Variants in DNAJC6 observed in about 807,000 individuals in gnomAD.
The protein encoded by DNAJC6 is auxilin.
A neutral mutation model predicts 110.0 loss-of-function variants in DNAJC6; 34 were observed. The observed-to-expected ratio is 0.31, with a 90% CI of 0.24 to 0.41. DNAJC6 has a LOEUF of 0.41. Among genes scored for constraint, DNAJC6 ranks in the 10% least tolerant of loss-of-function variants. The pLI is 1.00. For missense variants in DNAJC6, 1,031 were observed against 1,207.8 expected, an observed-to-expected ratio of 0.85 and a Z score of 2.17; for synonymous variants, 406 against 437.2, an observed-to-expected ratio of 0.93 and a Z score of 0.89.
At chr1:65,277,577 C>G (rs1232204434) in intron 1 of DNAJC6, among the ~76,000 whole-genome samples, 1 of 151,472 alleles carries the variant, frequency 6.6e-6, no homozygotes, top group African/African-American at 2.4e-5. Flanking sequence ...AGGCTTCTGC[C>G]TTTAAGGGTA....
intron 4 of DNAJC6, among the ~76,000 whole-genome samples, chr1:65,375,601 T>C (rs1455688581): frequency 1.3e-5 from 2 of 152,126 alleles, no homozygotes; most frequent in African/African-American, 2.4e-5. Flanking sequence ...AATTTTTTTG[T>C]ATTTTTAGTA....
intron 1 of DNAJC6, among the ~76,000 whole-genome samples, chr1:65,266,237 GT>G (rs1653326228): frequency 1.3e-5 from 2 of 151,960 alleles, no homozygotes; most frequent in South Asian, 4.1e-4. Context: ...CCACCTCGTG[GT>G]GGGCAATGAT....
intron 1 of DNAJC6, among the ~76,000 whole-genome samples, chr1:65,346,570 G>A (rs1645438808): frequency 6.6e-6 from 1 of 152,074 alleles, no homozygotes; most frequent in South Asian, 2.1e-4. Flanking sequence ...GTTCCAGTAT[G>A]TATTATAGTT....
At chr1:65,292,016 A>G (rs1312239054) in intron 1 of DNAJC6, among the ~76,000 whole-genome samples, 2 of 149,182 alleles carry the variant, frequency 1.3e-5, no homozygotes, top group Non-Finnish European at 1.5e-5. Flanking sequence ...TTTATTTTTT[A>G]TTTACTTTTT....
intron 1 of DNAJC6, among the ~76,000 whole-genome samples, chr1:65,351,398 A>T (rs1645488583): frequency 6.6e-6 from 1 of 152,210 alleles, no homozygotes; most frequent in South Asian, 2.1e-4. Flanking sequence ...ATAATTCTGA[A>T]ACTGATGGTT....
intron 1 of DNAJC6, among the ~76,000 whole-genome samples, chr1:65,350,743 G>A (rs943554357): frequency 6.6e-6 from 1 of 152,154 alleles, no homozygotes; most frequent in African/African-American, 2.4e-5. Context: ...CTTATTCCTA[G>A]TGTGATGTGG....
At chr1:65,346,457 G>C (rs1232083653) in intron 1 of DNAJC6, among the ~76,000 whole-genome samples, 1 of 151,946 alleles carries the variant, frequency 6.6e-6, no homozygotes, top group Non-Finnish European at 1.5e-5. Context: ...TTACTTTTTA[G>C]CTTGACCTTC....
chr1:65,339,022 G>C (rs1557529574), intron 1 of DNAJC6, among the ~76,000 whole-genome samples: 2 of 152,062 alleles, frequency 1.3e-5, no homozygotes, highest in South Asian at 4.1e-4. Flanking sequence ...CTTATATACT[G>C]TTTTCATTTG....
chr1:65,331,384 T>G (rs1244591385), intron 1 of DNAJC6, among the ~76,000 whole-genome samples: 1 of 152,238 alleles, frequency 6.6e-6, no homozygotes, highest in Non-Finnish European at 1.5e-5. Context: ...TACTATTTGT[T>G]TGCTAGGCAT....
intron 1 of DNAJC6, among the ~76,000 whole-genome samples, chr1:65,294,239 A>G (rs371994367): frequency 6.6e-6 from 1 of 152,192 alleles, no homozygotes; most frequent in African/African-American, 2.4e-5. Context: ...TTTCCATTTT[A>G]TAGGTGAAGT....
upstream of DNAJC6, chr1:65,309,498 C>A: frequency 8.4e-7 from 1 of 1,184,284 alleles, no homozygotes; most frequent in Non-Finnish European, 1.0e-6. Flanking sequence ...CGCGCGCCCC[C>A]GCCCGGCCGC....
chr1:65,405,772 G>A (rs1416599528), intron 15 of DNAJC6, 98 bp from the exon 16 acceptor site: 2 of 1,374,554 alleles, frequency 1.5e-6, no homozygotes, highest in African/African-American at 1.5e-5. Flanking sequence ...GTCAGTCAAG[G>A]GAATGACTAT....
At chr1:65,310,652 C>A (rs953274362) in intron 1 of DNAJC6, among the ~76,000 whole-genome samples, 4 of 152,106 alleles carry the variant, frequency 2.6e-5, no homozygotes, top group Non-Finnish European at 4.4e-5. Context: ...AACTTTGTAT[C>A]GGGGCTTGCA....
intron 7 of DNAJC6, 149 bp downstream of exon 7, chr1:65,386,055 G>GA: frequency 1.2e-6 from 1 of 857,908 alleles, no homozygotes; most frequent in East Asian, 2.7e-5. Context: ...GGTAATCATA[G>GA]AAAAGTACAA....
At chr1:65,300,913 C>A (rs575523257) in intron 1 of DNAJC6, among the ~76,000 whole-genome samples, 1 of 151,992 alleles carries the variant, frequency 6.6e-6, no homozygotes, top group African/African-American at 2.4e-5. Flanking sequence ...GGCCCAGCAC[C>A]CTGTTAGGTA....
chr1:65,410,488 A>G (rs1646118446), intron 17 of DNAJC6, among the ~76,000 whole-genome samples: 1 of 152,228 alleles, frequency 6.6e-6, no homozygotes, highest in Non-Finnish European at 1.5e-5. Context: ...TATTTCATTT[A>G]AACCATGTTT....
At chr1:65,269,711 G>A (rs540794058) in intron 1 of DNAJC6, among the ~76,000 whole-genome samples, 2 of 152,290 alleles carry the variant, frequency 1.3e-5, no homozygotes, top group East Asian at 3.9e-4. Flanking sequence ...ACTTCTCAAA[G>A]CTTCAGGGGT....
chr1:65,298,221 T>C (rs1308087006), intron 1 of DNAJC6, among the ~76,000 whole-genome samples: 1 of 152,164 alleles, frequency 6.6e-6, no homozygotes, highest in Non-Finnish European at 1.5e-5. Context: ...TTACGTTACT[T>C]CCATGCTGAT....
intron 1 of DNAJC6, among the ~76,000 whole-genome samples, chr1:65,326,851 G>A (rs2101437047): frequency 6.6e-6 from 1 of 152,294 alleles, no homozygotes; most frequent in East Asian, 1.9e-4. Flanking sequence ...ATTCCAGGAG[G>A]AAAGAATCCA....
Sources: allele counts gnomAD v4.1 joint callset (sites outside exome capture counted in the v4.1 genomes callset), GRCh38; gene constraint gnomAD v4.1.1; transcripts MANE v1.5; gene names NCBI Gene and HGNC (gene_info 2026-07-23, HGNC 2026-07-21).